The following MSANTD2 variants were observed in gnomAD, a reference collection of about 807,000 sequenced individuals.
MSANTD2 encodes Myb/SANT DNA binding domain containing 2, also known as myb/SANT-like DNA-binding domain-containing protein 2.
A neutral mutation model predicts 52.6 loss-of-function variants in MSANTD2; 19 were observed. The observed-to-expected ratio is 0.36, with a 90% CI of 0.25 to 0.53. The LOEUF is 0.53. Among genes scored for constraint, MSANTD2 ranks in the 20% least tolerant of loss-of-function variants. The probability of loss-of-function intolerance (pLI) is 0.91; values close to 1 mark genes in which losing one functional copy is unlikely to be tolerated. For missense variants in MSANTD2, 558 were observed against 716.3 expected (o/e 0.78, Z 2.52); for synonymous variants, 291 against 289.7 (o/e 1.00, Z -0.04).
intron 1 of MSANTD2, among the ~76,000 whole-genome samples, chr11:124,778,157 T>C (rs1944815639): frequency 6.6e-6 from 1 of 152,194 alleles, no homozygotes; most frequent in South Asian, 2.1e-4. Context: ...ATTACAATAA[T>C]GCTCAGAAAA....
chr11:124,786,841 G>A (rs745969675), intron 1 of MSANTD2, among the ~76,000 whole-genome samples: 5 of 152,116 alleles, frequency 3.3e-5, no homozygotes, highest in African/African-American at 9.7e-5. Flanking sequence ...TAATCACGTC[G>A]TTGCCAAAAA....
At chr11:124,771,840 C>T (rs999317797) in intron 3 of MSANTD2, among the ~76,000 whole-genome samples, 5 of 152,210 alleles carry the variant, frequency 3.3e-5, no homozygotes, top group Non-Finnish European at 7.3e-5. Context: ...ATCTCTCAGA[C>T]ATCAAGATCA....
At chr11:124,780,343 T>C (rs939286815) in intron 1 of MSANTD2, among the ~76,000 whole-genome samples, 1 of 152,204 alleles carries the variant, frequency 6.6e-6, no homozygotes, top group African/African-American at 2.4e-5. Flanking sequence ...TCTGACAAAC[T>C]GACTTGCCAA....
At chr11:124,777,308 C>T (rs1393157236) in intron 1 of MSANTD2, among the ~76,000 whole-genome samples, 1 of 152,224 alleles carries the variant, frequency 6.6e-6, no homozygotes, top group African/African-American at 2.4e-5. Flanking sequence ...TGGAGAAAAG[C>T]ATTCAGCACA....
chr11:124,789,407 G>A (rs1945261742), intron 1 of MSANTD2: 1 of 152,102 alleles, frequency 6.6e-6, no homozygotes, highest in African/African-American at 2.4e-5. Flanking sequence ...CAACTAGAAA[G>A]CATATCTAAG....
Position 124,779,998 on chromosome 11 carries a change from TAA to T in MSANTD2, c.511-5026_511-5025del, listed in dbSNP as rs1044952293. Among the ~76,000 whole-genome samples, 3 of 152,240 alleles carry T rather than the reference TAA, an allele frequency of 2.0e-5. No homozygotes were observed. The highest frequency in any genetic ancestry group is 4.4e-5 in the Non-Finnish European group (3 of 68,036). On this transcript the variant is annotated intron_variant, in intron 1 of 3. Coordinates refer to ENST00000374979, the MANE Select transcript of MSANTD2 (RefSeq NM_001308027.2). The surrounding 1 kb of genome is among the most constrained non-coding windows in gnomAD (Gnocchi z 4.6). ...GCAAAATAGATCTTTCTTATACCTT[TAA>T]AGTTACTATTGTAACTGTTAAAACT...
intron 1 of MSANTD2, chr11:124,784,458 T>C (rs1054182508): frequency 4.1e-6 from 4 of 976,630 alleles, no homozygotes; most frequent in African/African-American, 3.7e-5. Flanking sequence ...AATTATTCCA[T>C]GGACAACCAT....
At chr11:124,793,796 A>AT (rs11353173) in intron 1 of MSANTD2, among the ~76,000 whole-genome samples, 12,647 of 148,384 alleles carry the variant, frequency 0.085, 594 homozygotes, top group African/African-American at 0.14. Flanking sequence ...ATGGCAGGCC[A>AT]TTTTTTTTTT....
intron 1 of MSANTD2, among the ~76,000 whole-genome samples, chr11:124,782,072 A>G (rs898265560): frequency 3.3e-5 from 5 of 152,172 alleles, no homozygotes; most frequent in Non-Finnish European, 7.4e-5. Flanking sequence ...ATGTCTCTTT[A>G]TAACACTTTT....
At position 124,767,929 on chromosome 11, in the gene MSANTD2, A is replaced by C. The variant is rs1944363090; in HGVS notation, c.927T>G (p.Leu309=). 6.2e-7 allele frequency: 1 copy of C among 1,614,242 alleles called. No individual in the cohort carries two copies. Among genetic ancestry groups the C allele is most frequent in the East Asian group, 2.2e-5 (1 of 44,890 alleles). ...TTCCAAAAATGGCCAGTTTATTAGAAAGATGGAGCCTTGAAAAGTCTGTCC... is the reference window on the plus strand; with the variant it reads ...TTCCAAAAATGGCCAGTTTATTAGACAGATGGAGCCTTGAAAAGTCTGTCC... ...QSWTDFSRLH[L]SNKLAIFGIG... is the part of the protein sequence containing the mutation. Residue 309 remains leucine (L), a synonymous_variant, in exon 4 of 4, where the codon CTT becomes CTG. Transcript: ENST00000374979. The surrounding 1 kb of genome is among the most constrained non-coding windows in gnomAD (Gnocchi z 6.5).
intron 1 of MSANTD2, among the ~76,000 whole-genome samples, chr11:124,780,513 G>A (rs769311104): frequency 3.9e-5 from 6 of 152,142 alleles, no homozygotes; most frequent in Non-Finnish European, 5.9e-5. Context: ...CCTTTCCAGG[G>A]CAGAAGTTCT....
chr11:124,774,355 T>C lies in MSANTD2; in HGVS notation c.766+364A>G, dbSNP rs758335892. Among the ~76,000 whole-genome samples the C allele has an allele frequency of 3.3e-5, 5 of 152,222 alleles. No homozygotes were observed. The highest frequency in any genetic ancestry group is 7.3e-5 in the Non-Finnish European group (5 of 68,040). ...GATATCTTAGCAGTCATCTTAGAAC[T>C]AGAAGGTACAGGATATTTAGAATTG... On this transcript the variant is annotated intron_variant, in intron 2 of 3. Coordinates refer to ENST00000374979, the MANE Select transcript of MSANTD2 (RefSeq NM_001308027.2). The surrounding 1 kb of genome is among the most constrained non-coding windows in gnomAD (Gnocchi z 5.1).
Position 124,779,575 on chromosome 11 carries a change from G to A in MSANTD2, c.511-4601C>T, listed in dbSNP as rs1248307454. On this transcript the variant is annotated intron_variant, in intron 1 of 3. Transcript: ENST00000374979. This position sits in a 1 kb window ranked among gnomAD's most constrained non-coding sequence, Gnocchi z 4.6. Reference sequence around the variant, plus strand: ...AACAGCTATATAAATGTATTGTTTAGAAAACATTGGCTTGATCAGTCTAAG... The same window carrying A: ...AACAGCTATATAAATGTATTGTTTAAAAAACATTGGCTTGATCAGTCTAAG... 6.6e-6 allele frequency among the ~76,000 whole-genome samples: 1 copy of A among 152,224 alleles called. No individual in the cohort carries two copies. Among genetic ancestry groups the A allele is most frequent in the African/African-American group, 2.4e-5 (1 of 41,450 alleles).
rs148132328 is a variant in MSANTD2 at position 124,774,494 on chromosome 11, C to T, written c.766+225G>A. On this transcript the variant is annotated intron_variant, in intron 2 of 3. Transcript: ENST00000374979. This position sits in a 1 kb window ranked among gnomAD's most constrained non-coding sequence, Gnocchi z 5.1. ...TTGCCAAATGAACAACACCAAGCAC[C>T]AGTTGGCAGTTTAAGGCTAAACCAA... Among the ~76,000 whole-genome samples the T allele has an allele frequency of 4.7e-3, 722 of 152,284 alleles. 18 individuals carry two copies. The highest frequency in any genetic ancestry group is 0.036 in the Admixed American group (543 of 15,292).
intron 3 of MSANTD2, among the ~76,000 whole-genome samples, chr11:124,769,209 A>C (rs1689732948): frequency 6.6e-6 from 1 of 152,212 alleles, no homozygotes; most frequent in African/African-American, 2.4e-5. Flanking sequence ...TCACGTGGCC[A>C]TTCTCAGTCT....
At chr11:124,771,595 C>A (rs889961363) in intron 3 of MSANTD2, among the ~76,000 whole-genome samples, 2 of 152,184 alleles carry the variant, frequency 1.3e-5, no homozygotes, top group African/African-American at 4.8e-5. Flanking sequence ...CACGGCAAAA[C>A]CCCATCTCTA....
At chr11:124,791,480 A>T in intron 1 of MSANTD2, 1 of 1,124,496 alleles carries the variant, frequency 8.9e-7, no homozygotes, top group Non-Finnish European at 1.3e-6. Context: ...CAGGCGAGTC[A>T]CTCTCCTAAA....
Position 124,791,474 on chromosome 11 carries a change from C to A in MSANTD2, c.510+8397G>T, listed in dbSNP as rs962217398. Reference sequence around the variant, plus strand: ...TCCCCACCTGCACTGGGAGGTCAGGCGAGTCACTCTCCTAAATGGCTGAGG... The same window carrying A: ...TCCCCACCTGCACTGGGAGGTCAGGAGAGTCACTCTCCTAAATGGCTGAGG... On this transcript the variant is annotated intron_variant, in intron 1 of 3. Transcript: ENST00000374979. 21 of 1,123,222 alleles carry A rather than the reference C, an allele frequency of 1.9e-5. No homozygotes were observed. The South Asian group carries it at 2.3e-4, about 12-fold the overall frequency. The allele number at this position is 1,123,222 out of a possible 1,614,324, so 69.6% of individuals were successfully genotyped here.
intron 1 of MSANTD2, chr11:124,790,144 C>T (rs1167494215): frequency 6.6e-6 from 1 of 152,192 alleles, no homozygotes; most frequent in Non-Finnish European, 1.5e-5. Flanking sequence ...AGCTACATGA[C>T]ACTTAACATT....
Sources: allele counts gnomAD v4.1 joint callset (sites outside exome capture counted in the v4.1 genomes callset), GRCh38; gene constraint gnomAD v4.1.1; non-coding constraint Gnocchi (gnomAD v3.1); transcripts MANE v1.5; gene names NCBI Gene and HGNC (gene_info 2026-07-23, HGNC 2026-07-21).